DENND4A: variants seen among roughly 807,000 people sequenced by gnomAD.
DENND4A encodes C-myc promoter-binding protein.
Under a neutral mutation model 199.3 loss-of-function variants are expected in DENND4A, and 70 were observed. That is an observed-to-expected ratio of 0.35 (90% confidence interval 0.29 to 0.43). The LOEUF (loss-of-function observed/expected upper bound fraction) is 0.43, where lower values mean the gene tolerates loss of function less well. Among genes scored for constraint, DENND4A ranks in the 20% least tolerant of loss-of-function variants. The pLI, the probability that DENND4A is intolerant of heterozygous loss-of-function variation, is 1.00. For missense variants in DENND4A, 1,723 were observed against 2,255.8 expected, an observed-to-expected ratio of 0.76 and a Z score of 4.78; for synonymous variants, 686 against 766.9, an observed-to-expected ratio of 0.89 and a Z score of 1.74.
intron 23 of DENND4A, among the ~76,000 whole-genome samples, chr15:65,678,845 A>G (rs544600257): frequency 3.0e-4 from 46 of 152,144 alleles, no homozygotes; most frequent in African/African-American, 1.1e-3. Context: ...GCACACCACC[A>G]TGACTGGCTA....
intron 4 of DENND4A, among the ~76,000 whole-genome samples, chr15:65,744,025 G>A (rs550812642): frequency 2.6e-5 from 4 of 152,128 alleles, no homozygotes; most frequent in Admixed American, 2.6e-4. Context: ...AGAAGTGGGG[G>A]TGGGAGACAA....
At chr15:65,755,471 C>T (rs893827226) in intron 3 of DENND4A, among the ~76,000 whole-genome samples, 1 of 152,104 alleles carries the variant, frequency 6.6e-6, no homozygotes, top group African/African-American at 2.4e-5. Context: ...AGTTAACAAT[C>T]CATCTATAAT....
chr15:65,731,396 C>T (rs1056026365), intron 9 of DENND4A: 5 of 528,584 alleles, frequency 9.5e-6, no homozygotes, highest in Non-Finnish European at 1.8e-5. Context: ...AATACACACA[C>T]ACACACACTT....
chr15:65,715,579 T>C lies in DENND4A; in HGVS notation c.1852A>G (p.Met618Val). 2.5e-6 allele frequency: 4 copies of C among 1,596,504 alleles called. No individual in the cohort carries two copies. The highest frequency in any genetic ancestry group is 3.4e-6 in the Non-Finnish European group (4 of 1,171,596). ...ATAAACATTTGTGTTTTGGTCATCA[T>C]GTTATAGAATTTTTGATGTGACCGG... is the stretch of plus-strand genomic sequence containing the variant. ...RDRSHQKFYN[M>V]MTKTQMFIRF... The change falls in exon 14 of 33, where the codon ATG becomes GTG. Residue 618 changes from methionine to valine, a missense_variant. By Grantham distance (21) the Met-to-Val change is conservative (BLOSUM62 1). Around this residue, in one of 6 missense-constraint regions of DENND4A, gnomAD observed 725 missense variants for 952.9 expected, o/e 0.76. Coordinates refer to ENST00000443035, the MANE Select transcript of DENND4A (RefSeq NM_001320835.1).
At position 65,661,966 on chromosome 15, in the gene DENND4A, T is replaced by C. The variant is rs755813840; in HGVS notation, c.5609A>G (p.Lys1870Arg). The stretch of plus-strand genomic sequence containing the variant: ...AGGTGTGAGACGATCGTATGCCATC[T>C]TGTACTCTTTATCAAAAGCATCTGC... ...IDIDAFDKEY[K>R]MAYDRLTPSQ... The change falls in exon 33 of 33, where the codon AAG (lysine) becomes AGG (arginine). Residue 1870 changes from lysine to arginine, a missense_variant. Physicochemically the swap from Lys to Arg is conservative, Grantham distance 26. Around this residue, in one of 6 missense-constraint regions of DENND4A, gnomAD observed 164 missense variants for 280.1 expected, o/e 0.59. Transcript: ENST00000443035. The C allele has an allele frequency of 6.2e-7, 1 of 1,611,026 alleles. No individual in the cohort carries two copies. Among genetic ancestry groups the C allele is most frequent in the East Asian group, 2.2e-5 (1 of 44,850 alleles).
In DENND4A at chr15:65,660,309, T is replaced by C. The variant is rs762725063; in HGVS notation, c.*1542A>G. Reference sequence around the variant, plus strand: ...GAAGCTGTGAAATGTTTCAGCATGGTGCTATTCACTAATGGTGTGAACTCA... The same window carrying C: ...GAAGCTGTGAAATGTTTCAGCATGGCGCTATTCACTAATGGTGTGAACTCA... On this transcript the variant is annotated 3_prime_UTR_variant, in exon 33 of 33. Coordinates refer to ENST00000443035, the MANE Select transcript of DENND4A (RefSeq NM_001320835.1). 4.1e-5 allele frequency: 63 copies of C among 1,535,046 alleles called. No individual in the cohort carries two copies. Among genetic ancestry groups the C allele is most frequent in the Non-Finnish European group, 5.1e-5 (58 of 1,146,354 alleles).
chr15:65,741,632 A>C (rs2140479660), intron 5 of DENND4A, 83 bp downstream of exon 5: 1 of 1,102,050 alleles, frequency 9.1e-7, no homozygotes. Flanking sequence ...ACTAACACAG[A>C]CTAGGCAGGT....
Position 65,702,919 on chromosome 15 carries a change from G to C in DENND4A, c.2177C>G (p.Ser726Ter). 1 of 1,613,250 alleles carries C rather than the reference G, an allele frequency of 6.2e-7. No homozygotes were observed. The highest frequency in any genetic ancestry group is 8.5e-7 in the Non-Finnish European group (1 of 1,179,472). The stretch of plus-strand genomic sequence containing the variant: ...GGGCAAAGGGCTATTAGGACTACTT[G>C]ATTTTGAAGGCAATTTGTTCTTCTT... ...QAKKNKLPSKSSSPNSPLPMF... is the reference protein window; with the variant it reads ...QAKKNKLPSK The change falls in exon 16 of 33, where the codon TCA (serine) becomes TGA (stop). Residue 726 changes from serine to a stop codon, truncating the protein, a stop_gained. Coordinates refer to ENST00000443035, the MANE Select transcript of DENND4A (RefSeq NM_001320835.1). LOFTEE classifies it high-confidence loss of function.
At chr15:65,755,746 T>G (rs777228803) in intron 3 of DENND4A, among the ~76,000 whole-genome samples, 1 of 152,138 alleles carries the variant, frequency 6.6e-6, no homozygotes, top group East Asian at 1.9e-4. Flanking sequence ...AGCTGGGTGA[T>G]AGAGATTAAC....
intron 14 of DENND4A, among the ~76,000 whole-genome samples, chr15:65,710,463 G>A (rs1328127361): frequency 6.6e-6 from 1 of 152,122 alleles, no homozygotes; most frequent in Non-Finnish European, 1.5e-5. Context: ...TTACACAAAT[G>A]TATGCCACTG....
At chr15:65,752,314 GATGTATTTAAA>G (rs1379864310) in intron 4 of DENND4A, 54 bp downstream of exon 4, 1 of 160,738 alleles carries the variant, frequency 6.2e-6, no homozygotes, top group Non-Finnish European at 1.1e-5. Context: ...AAAAAAAAAA[GATGTATTTAAA>G]ATTATGCTCT....
At chr15:65,741,909 T>G in intron 4 of DENND4A, 125 bp from the exon 5 acceptor site, 4 of 580,706 alleles carry the variant, frequency 6.9e-6, no homozygotes, top group Non-Finnish European at 1.1e-5. Flanking sequence ...CTCTGCTAGC[T>G]ATTTTCAGTT....
At chr15:65,670,853 T>A (rs2076194752) in intron 25 of DENND4A, among the ~76,000 whole-genome samples, 1 of 152,250 alleles carries the variant, frequency 6.6e-6, no homozygotes, top group Non-Finnish European at 1.5e-5. Flanking sequence ...ATCATCTATG[T>A]TTTGGCTGTA....
chr15:65,668,180 C>CAACAAGG, intron 27 of DENND4A, 57 bp from the exon 28 acceptor site: 1 of 1,089,758 alleles, frequency 9.2e-7, no homozygotes, highest in Non-Finnish European at 1.3e-6. Context: ...TTTACTTCAT[C>CAACAAGG]AACAAGGATC....
At position 65,715,506 on chromosome 15, in the gene DENND4A, A is replaced by G; in HGVS notation, c.1925T>C (p.Leu642Pro). 6.2e-7 allele frequency: 1 copy of G among 1,611,018 alleles called. No individual in the cohort carries two copies. Among genetic ancestry groups the G allele is most frequent in the Non-Finnish European group, 8.5e-7 (1 of 1,179,252 alleles). Reference sequence around the variant, plus strand: ...ATCTACACAATCATCAAAAAATGCCAGGCTTGCATCTTTGTCACTAACAAA... The same window carrying G: ...ATCTACACAATCATCAAAAAATGCCGGGCTTGCATCTTTGTCACTAACAAA... ...CSFVSDKDAS[L>P]AFFDDCVDKV... The change falls in exon 14 of 33, where the codon CTG becomes CCG. Residue 642 changes from leucine to proline, a missense_variant. By Grantham distance (98) the Leu-to-Pro change is moderately conservative (BLOSUM62 -3). This residue lies in a region of DENND4A where 725 missense variants were observed against 952.9 expected (regional missense o/e 0.76). Coordinates refer to ENST00000443035, the MANE Select transcript of DENND4A (RefSeq NM_001320835.1).
chr15:65,767,561 C>A (rs1187679753), intron 1 of DENND4A, among the ~76,000 whole-genome samples: 1 of 152,136 alleles, frequency 6.6e-6, no homozygotes, highest in Non-Finnish European at 1.5e-5. Context: ...CCTACCTTGC[C>A]TCCCATAAAA....
rs756896758 is a variant in DENND4A, at chr15:65,664,730, C to T, written c.5360-8G>A. On this transcript the variant is annotated splice_polypyrimidine_tract_variant and splice_region_variant and intron_variant, in intron 30 of 32. Transcript: ENST00000443035. ...CCATTGGATATTTTTGGGCTGTAAACGAACAAAAGAACAGATGAAGGAAAA... is the reference window on the plus strand; with the variant it reads ...CCATTGGATATTTTTGGGCTGTAAATGAACAAAAGAACAGATGAAGGAAAA... 3.9e-5 allele frequency: 63 copies of T among 1,603,294 alleles called. No homozygotes were observed. The highest frequency in any genetic ancestry group is 9.0e-5 in the East Asian group (4 of 44,600).
intron 4 of DENND4A, 43 bp from the exon 5 acceptor site, chr15:65,741,827 T>C (rs780063087): frequency 1.3e-6 from 2 of 1,503,204 alleles, no homozygotes; most frequent in East Asian, 2.3e-5. Flanking sequence ...TTTTAAAAGG[T>C]AGGAACTTGA....
intron 4 of DENND4A, among the ~76,000 whole-genome samples, chr15:65,748,293 G>A (rs2076466314): frequency 6.6e-6 from 1 of 151,592 alleles, no homozygotes; most frequent in African/African-American, 2.4e-5. Flanking sequence ...ACGCAAGATA[G>A]GGTGAGAAAA....
Sources: allele counts gnomAD v4.1 joint callset (sites outside exome capture counted in the v4.1 genomes callset), GRCh38; gene constraint gnomAD v4.1.1; regional missense constraint gnomAD v4.1.1; transcripts MANE v1.5; gene names NCBI Gene and HGNC (gene_info 2026-07-23, HGNC 2026-07-21).